Variants in KIAA1549 observed in about 807,000 individuals in gnomAD.
KIAA1549 encodes the protein KIAA1549.
Under a neutral mutation model 156.4 loss-of-function variants are expected in KIAA1549, and 70 were observed. The ratio of observed to expected loss-of-function variants is 0.45; its 90% CI spans 0.37 to 0.55. The LOEUF (loss-of-function observed/expected upper bound fraction) is 0.55, where lower values mean the gene tolerates loss of function less well. Among genes scored for constraint, KIAA1549 ranks in the 20% least tolerant of loss-of-function variants. The pLI is 0.00. For synonymous variants in KIAA1549, 1,103 were observed against 1,066.4 expected, an observed-to-expected ratio of 1.03 and a Z score of -0.67; for missense variants, 2,428 against 2,540.9, an observed-to-expected ratio of 0.96 and a Z score of 0.96.
rs79385253 is a variant in KIAA1549, at chr7:138,938,264, T to C, written c.188-18826A>G. On this transcript the variant is annotated intron_variant, in intron 1 of 19. Coordinates refer to ENST00000422774, the MANE Select transcript of KIAA1549 (RefSeq NM_001164665.2). ...CAGAACTGTGAGTGATAATTTTCTA[T>C]TGTCTATAAGTGACCAGTCCAAGGT... Among the ~76,000 whole-genome samples the C allele has an allele frequency of 3.8e-3, 575 of 152,354 alleles. 6 individuals are homozygous for C. The highest frequency in any genetic ancestry group is 0.013 in the African/African-American group (548 of 41,584).
chr7:138,974,634 G>A (rs373104826), intron 1 of KIAA1549, among the ~76,000 whole-genome samples: 59 of 151,914 alleles, frequency 3.9e-4, no homozygotes, highest in African/African-American at 1.4e-3. Context: ...TGTTGGCCAG[G>A]CTGGTCTCGA....
chr7:138,870,508 CTGACA>C (rs1177393322), intron 13 of KIAA1549, among the ~76,000 whole-genome samples: 1 of 152,160 alleles, frequency 6.6e-6, no homozygotes, highest in African/African-American at 2.4e-5. Flanking sequence ...AACAAGTTAC[CTGACA>C]TGAGACCCCC....
rs140890453 is a variant in KIAA1549, at chr7:138,918,751, G to T, written c.875C>A (p.Pro292Gln). The change falls in exon 2 of 20, where the codon CCG becomes CAG. Residue 292 changes from proline (P) to glutamine (Q), a missense_variant. Pro to Gln is a moderately conservative substitution (Grantham distance 76, BLOSUM62 -1). Transcript: ENST00000422774. This position sits in a 1 kb window ranked among gnomAD's most constrained non-coding sequence, Gnocchi z 4.2. Reference protein sequence around the residue: ...FLSSRSLMPQPLGDGITIPLP... With the variant: ...FLSSRSLMPQQLGDGITIPLP... ...CGGTATAGTAATGCCGTCGCCTAAC[G>T]GCTGTGGCATTAAAGACCGGGAGCT... 1.2e-6 allele frequency: 2 copies of T among 1,613,850 alleles called. No individual in the cohort carries two copies. Among genetic ancestry groups the T allele is most frequent in the South Asian group, 2.2e-5 (2 of 91,082 alleles).
chr7:138,871,847 C>T (rs976445032), intron 12 of KIAA1549, among the ~76,000 whole-genome samples: 3 of 152,192 alleles, frequency 2.0e-5, no homozygotes, highest in Admixed American at 1.3e-4. Flanking sequence ...AAGACCAGTA[C>T]GTGCAGGCAG....
intron 14 of KIAA1549, among the ~76,000 whole-genome samples, chr7:138,868,807 C>T (rs1211298177): frequency 6.6e-6 from 1 of 152,148 alleles, no homozygotes; most frequent in Non-Finnish European, 1.5e-5. Flanking sequence ...GGGGCAGAAA[C>T]GGCAGGCAGG....
chr7:138,867,164 T>C (rs1403094972), intron 15 of KIAA1549, among the ~76,000 whole-genome samples: 2 of 152,186 alleles, frequency 1.3e-5, no homozygotes, highest in African/African-American at 4.8e-5. Flanking sequence ...AAATACGCTA[T>C]CTTCTTAGCA....
chr7:138,940,157 C>T (rs1813137025), intron 1 of KIAA1549, among the ~76,000 whole-genome samples: 1 of 152,096 alleles, frequency 6.6e-6, no homozygotes, highest in African/African-American at 2.4e-5. Flanking sequence ...AATGCTATCC[C>T]TCCCCGCTCC....
intron 12 of KIAA1549, among the ~76,000 whole-genome samples, chr7:138,875,991 A>C (rs1204128877): frequency 6.6e-5 from 10 of 151,648 alleles, no homozygotes; most frequent in Admixed American, 4.6e-4. Context: ...TTGTAGAGTC[A>C]GAGTCTCGCT....
rs1811910269 is a variant in KIAA1549 at position 138,903,781 on chromosome 7, A to C, written c.3521-45T>G. 6.0e-6 allele frequency: 9 copies of C among 1,505,172 alleles called. No individual in the cohort carries two copies. In the East Asian group the frequency reaches 2.4e-4, roughly 40 times the overall value. 93.2% of individuals were successfully genotyped at this position (1,505,172 alleles called of 1,614,324 possible). ...TACGTGGCACCCAAAACAAGTCAGC[A>C]GTAAAAAAACAGTGTGTGTGTGTGT... is the stretch of plus-strand genomic sequence containing the variant. On this transcript the variant is annotated intron_variant, in intron 7 of 19. Transcript: ENST00000422774.
intron 1 of KIAA1549, among the ~76,000 whole-genome samples, chr7:138,941,503 C>G (rs1245174535): frequency 1.3e-5 from 2 of 152,216 alleles, no homozygotes; most frequent in Non-Finnish European, 2.9e-5. Context: ...AATTCCTCTT[C>G]TTCCTGTACT....
At chr7:138,971,021 A>G (rs1814205603) in intron 1 of KIAA1549, among the ~76,000 whole-genome samples, 1 of 152,170 alleles carries the variant, frequency 6.6e-6, no homozygotes, top group African/African-American at 2.4e-5. Flanking sequence ...GGAAACCACT[A>G]GGAGTGAGGA....
Position 138,879,636 on chromosome 7 carries a change from G to T in KIAA1549, c.4247C>A (p.Ala1416Asp). The change falls in exon 12 of 20, where the codon GCT (alanine) becomes GAT (aspartate). Residue 1416 changes from alanine (A) to aspartate (D), a missense_variant. Ala to Asp is a moderately radical substitution (Grantham distance 126, BLOSUM62 -2). Coordinates refer to ENST00000422774, the MANE Select transcript of KIAA1549 (RefSeq NM_001164665.2). The part of the protein sequence containing the change: ...RHRGRVSPSD[A>D]DSTVSEESSE... ...GGACTCTTCACTGACCGTAGAGTCA[G>T]CATCTGAGGGAGAAACTCTGCAGAC... 6.5e-7 allele frequency: 1 copy of T among 1,546,828 alleles called. No individual in the cohort carries two copies. Among genetic ancestry groups the T allele is most frequent in the Non-Finnish European group, 8.7e-7 (1 of 1,145,724 alleles).
chr7:138,947,438 C>T (rs1813370121), intron 1 of KIAA1549, among the ~76,000 whole-genome samples: 1 of 152,120 alleles, frequency 6.6e-6, no homozygotes. Context: ...CCTGACCTCA[C>T]CAAGCAGCCA....
chr7:138,888,379 T>C (rs1811456807), intron 10 of KIAA1549, among the ~76,000 whole-genome samples: 2 of 152,214 alleles, frequency 1.3e-5, no homozygotes, highest in South Asian at 4.1e-4. Context: ...TTTCAAATGA[T>C]TGATTACTGG....
intron 10 of KIAA1549, among the ~76,000 whole-genome samples, chr7:138,893,750 T>C (rs1211181775): frequency 6.6e-6 from 1 of 152,362 alleles, no homozygotes; most frequent in South Asian, 2.1e-4. Context: ...TTGGCTCCTA[T>C]CCTCTGAAAA....
Position 138,918,235 on chromosome 7 carries a change from A to G in KIAA1549, c.1391T>C (p.Met464Thr), listed in dbSNP as rs1812412265. 3 of 1,613,920 alleles carry G rather than the reference A, an allele frequency of 1.9e-6. No individual in the cohort carries two copies. The highest frequency in any genetic ancestry group is 2.2e-5 in the East Asian group (1 of 44,896). Residue 464 changes from methionine (M) to threonine (T), a missense_variant, in exon 2 of 20, where the codon ATG becomes ACG. Met to Thr is a moderately conservative substitution (Grantham distance 81). Coordinates refer to ENST00000422774, the MANE Select transcript of KIAA1549 (RefSeq NM_001164665.2). This position sits in a 1 kb window ranked among gnomAD's most constrained non-coding sequence, Gnocchi z 4.2. ...TVLEESSISL[M>T]SSVVADFSEF... Reference sequence around the variant, plus strand: ...AGAGAAGTCTGCTACGACGCTACTCATTAGAGAGATGCTGCTTTCTTCCAG... The same window carrying G: ...AGAGAAGTCTGCTACGACGCTACTCGTTAGAGAGATGCTGCTTTCTTCCAG...
At chr7:138,874,345 A>G (rs1811020792) in intron 12 of KIAA1549, among the ~76,000 whole-genome samples, 1 of 152,154 alleles carries the variant, frequency 6.6e-6, no homozygotes, top group Non-Finnish European at 1.5e-5. Context: ...TATAATCAAT[A>G]ACAATATATT....
At chr7:138,938,375 G>C in intron 1 of KIAA1549, among the ~76,000 whole-genome samples, 1 of 152,162 alleles carries the variant, frequency 6.6e-6, no homozygotes, top group Non-Finnish European at 1.5e-5. Flanking sequence ...ATTCAGTCAA[G>C]CACACATATT....
chr7:138,861,460 C>A lies in KIAA1549; in HGVS notation c.4930-4G>T. ...CGGCTGGGAGGTCAGGATCCGACTA[C>A]AATGAGAAATGGCAAAGGAAGAATC... On this transcript the variant is annotated splice_polypyrimidine_tract_variant and splice_region_variant and intron_variant, in intron 15 of 19. Transcript: ENST00000422774. 1 of 1,603,504 alleles carries A rather than the reference C, an allele frequency of 6.2e-7. No individual in the cohort carries two copies. Among genetic ancestry groups the A allele is most frequent in the Non-Finnish European group, 8.5e-7 (1 of 1,174,932 alleles).
Sources: allele counts gnomAD v4.1 joint callset (sites outside exome capture counted in the v4.1 genomes callset), GRCh38; gene constraint gnomAD v4.1.1; non-coding constraint Gnocchi (gnomAD v3.1); transcripts MANE v1.5; gene names NCBI Gene and HGNC (gene_info 2026-07-23, HGNC 2026-07-21).